PHC1: variants seen among roughly 807,000 people sequenced by gnomAD.
The protein encoded by PHC1 is polyhomeotic-like protein 1.
A neutral mutation model predicts 104.3 loss-of-function variants in PHC1; 12 were observed. The observed-to-expected ratio is 0.12, with a 90% CI of 0.07 to 0.19. PHC1 has a LOEUF of 0.19. Ranked by LOEUF, PHC1 falls within the 10% of genes least tolerant of loss-of-function variation. The pLI is 1.00. For missense variants in PHC1, 671 were observed against 1,200.0 expected (o/e 0.56, Z 6.51); for synonymous variants, 302 against 455.8 (o/e 0.66, Z 4.30).
At position 8,922,693 on chromosome 12, in the gene PHC1, T is replaced by A; in HGVS notation, c.517T>A (p.Ser173Thr). ...RTLGRNVPLASQLILMPNGAV... is the reference protein window; with the variant it reads ...RTLGRNVPLATQLILMPNGAV... ...CCTGGGTCGGAATGTGCCTCTAGCC[T>A]CCCAACTCATCCTGATGCCTAATGG... Residue 173 changes from serine to threonine, a missense_variant, in exon 6 of 15, where the codon TCC (serine) becomes ACC (threonine). Ser to Thr is a moderately conservative substitution (Grantham distance 58, BLOSUM62 1). Around this residue, in one of 9 missense-constraint regions of PHC1, gnomAD observed 237 missense variants for 331.1 expected, o/e 0.72. Coordinates refer to ENST00000544916, the MANE Select transcript of PHC1 (RefSeq NM_004426.3). 6.2e-7 allele frequency: 1 copy of A among 1,607,630 alleles called. No individual in the cohort carries two copies. Among genetic ancestry groups the A allele is most frequent in the Non-Finnish European group, 8.5e-7 (1 of 1,177,136 alleles).
Position 8,919,505 on chromosome 12 carries a change from A to G in PHC1, c.115-251A>G, listed in dbSNP as rs978244341. Among the ~76,000 whole-genome samples the G allele has an allele frequency of 6.6e-6, 1 of 152,126 alleles. No individual in the cohort carries two copies. Among genetic ancestry groups the G allele is most frequent in the African/African-American group, 2.4e-5 (1 of 41,422 alleles). ...TTGGGAGGTTGAGGCAGTCAGGAGGATTATTTGAGCCTAGGAGTTTGAGGT... is the reference window on the plus strand; with the variant it reads ...TTGGGAGGTTGAGGCAGTCAGGAGGGTTATTTGAGCCTAGGAGTTTGAGGT... On this transcript the variant is annotated intron_variant, in intron 2 of 14. Transcript: ENST00000544916. This position sits in a 1 kb window ranked among gnomAD's most constrained non-coding sequence, Gnocchi z 4.9.
intron 6 of PHC1, among the ~76,000 whole-genome samples, chr12:8,927,910 TTTC>T (rs796487416): frequency 0.066 from 6,415 of 96,940 alleles, 199 homozygotes; most frequent in Non-Finnish European, 0.077. Flanking sequence ...TCTTTCTTTC[TTTC>T]TTTTTTTTTT....
chr12:8,926,969 A>G (rs1011919285), intron 6 of PHC1, among the ~76,000 whole-genome samples: 1 of 152,146 alleles, frequency 6.6e-6, no homozygotes, highest in Middle Eastern at 3.2e-3. Context: ...AACGTTTAAT[A>G]TGGGGCCCTG....
chr12:8,918,153 C>G (rs1213679786), intron 2 of PHC1, among the ~76,000 whole-genome samples: 1 of 152,136 alleles, frequency 6.6e-6, no homozygotes, highest in Admixed American at 6.5e-5. Context: ...AAACAAACAG[C>G]AAATTCCATG....
At chr12:8,925,427 G>A (rs1195892420) in intron 6 of PHC1, among the ~76,000 whole-genome samples, 6 of 152,176 alleles carry the variant, frequency 3.9e-5, no homozygotes, top group Non-Finnish European at 8.8e-5. Context: ...TCACCTGAAT[G>A]GGGAAATAAT....
intron 6 of PHC1, 150 bp from the exon 7 acceptor site, chr12:8,930,285 A>C: frequency 1.7e-6 from 2 of 1,165,322 alleles, no homozygotes; most frequent in Non-Finnish European, 2.4e-6. Flanking sequence ...CTTAGGAGGT[A>C]GGAAGGCCTT....
intron 5 of PHC1, 90 bp from the exon 6 acceptor site, chr12:8,922,543 T>G: frequency 8.6e-7 from 1 of 1,165,094 alleles, no homozygotes; most frequent in Non-Finnish European, 1.2e-6. Context: ...TATCTTCTGT[T>G]TATTTTGTCT....
Position 8,932,571 on chromosome 12 carries a change from A to G in PHC1, c.1114A>G (p.Thr372Ala). 1 of 1,613,948 alleles carries G rather than the reference A, an allele frequency of 6.2e-7. No individual in the cohort carries two copies. Among genetic ancestry groups the G allele is most frequent in the Non-Finnish European group, 8.5e-7 (1 of 1,179,854 alleles). Residue 372 changes from threonine to alanine, a missense_variant, in exon 8 of 15, where the codon ACA becomes GCA. By Grantham distance (58) the Thr-to-Ala change is moderately conservative. Around this residue, in one of 9 missense-constraint regions of PHC1, gnomAD observed 78 missense variants for 140.8 expected, o/e 0.55. Transcript: ENST00000544916. ...TGGGATTGTTCCTATAGCCACCTAC[A>G]CACAGATCCAGCCCCATTCACTGAT... Reference protein sequence around the residue: ...SQTLISSATYTQIQPHSLIQQ... With the variant: ...SQTLISSATYAQIQPHSLIQQ...
At chr12:8,929,950 C>G (rs949745625) in intron 6 of PHC1, among the ~76,000 whole-genome samples, 1 of 152,182 alleles carries the variant, frequency 6.6e-6, no homozygotes, top group Non-Finnish European at 1.5e-5. Flanking sequence ...CCTTGATCTC[C>G]CTAGTCTTAG....
At position 8,917,668 on chromosome 12, in the gene PHC1, G is replaced by C; in HGVS notation, c.-10G>C. ...CAGAGCACCAGCCTTGGGGACCCTG[G>C]ACCACTATCATGGAGACTGAGAGCG... On this transcript the variant is annotated 5_prime_UTR_variant, in exon 2 of 15. Transcript: ENST00000544916. 1 of 1,444,478 alleles carries C rather than the reference G, an allele frequency of 6.9e-7. No individual in the cohort carries two copies. The highest frequency in any genetic ancestry group is 9.3e-7 in the Non-Finnish European group (1 of 1,072,304). The allele number at this position is 1,444,478 out of a possible 1,614,324, so 89.5% of individuals were successfully genotyped here.
chr12:8,938,227 T>C (rs780671961), intron 14 of PHC1, among the ~76,000 whole-genome samples, 167 bp downstream of exon 14: 6 of 152,376 alleles, frequency 3.9e-5, no homozygotes, highest in African/African-American at 1.4e-4. Context: ...TTTTCTGGGT[T>C]GACATTATCT....
chr12:8,927,909 CTTTCTTT>C (rs1945572736), intron 6 of PHC1, among the ~76,000 whole-genome samples: 1 of 69,038 alleles, frequency 1.4e-5, no homozygotes, highest in African/African-American at 7.4e-5. Flanking sequence ...TTCTTTCTTT[CTTTCTTT>C]TTTTTTTTTT....
intron 9 of PHC1, 86 bp downstream of exon 9, chr12:8,934,098 A>G: frequency 2.0e-6 from 3 of 1,485,988 alleles, no homozygotes; most frequent in Non-Finnish European, 1.9e-6. Flanking sequence ...CTGGTTGAGT[A>G]GAAAATGGGC....
Position 8,933,999 on chromosome 12 carries a change from G to A in PHC1, c.2028G>A (p.Lys676=). 2 of 1,614,168 alleles carry A rather than the reference G, an allele frequency of 1.2e-6. No individual in the cohort carries two copies. The highest frequency in any genetic ancestry group is 1.7e-6 in the Non-Finnish European group (2 of 1,179,994). The change falls in exon 9 of 15, where the codon AAG becomes AAA. Residue 676 remains lysine, a synonymous_variant. Coordinates refer to ENST00000544916, the MANE Select transcript of PHC1 (RefSeq NM_004426.3). The part of the protein sequence containing the change: ...VAESPKVMDE[K]SSLGEKAESV... ...AAAGCCCAAAAGTCATGGACGAGAA[G>A]AGCAGTCTTGGAGGTGAGTAACTGA... is the stretch of plus-strand genomic sequence containing the variant.
intron 6 of PHC1, among the ~76,000 whole-genome samples, chr12:8,923,387 C>A (rs1945419683): frequency 6.6e-6 from 1 of 152,148 alleles, no homozygotes; most frequent in African/African-American, 2.4e-5. Flanking sequence ...ATAATTATTT[C>A]ATCCTTTTAG....
Position 8,919,644 on chromosome 12 carries a change from C to A in PHC1, c.115-112C>A. 3.7e-6 allele frequency: 4 copies of A among 1,085,116 alleles called. No homozygotes were observed. The highest frequency in any genetic ancestry group is 3.1e-5 in the South Asian group (2 of 63,540). The allele number at this position is 1,085,116 out of a possible 1,614,324, so 67.2% of individuals were successfully genotyped here. A position where few individuals can be genotyped will look rare whatever the true frequency, so the allele number is the denominator to read the frequency against. On this transcript the variant is annotated intron_variant, in intron 2 of 14. Transcript: ENST00000544916. The surrounding 1 kb of genome is among the most constrained non-coding windows in gnomAD (Gnocchi z 4.9). ...TTGACGATTTAGCCCAAACTCCCAT[C>A]TCCTCTGGTTTCTGTCCTTCCCATG...
chr12:8,923,690 C>T (rs1259985125), intron 6 of PHC1, among the ~76,000 whole-genome samples: 2 of 151,848 alleles, frequency 1.3e-5, no homozygotes, highest in Non-Finnish European at 2.9e-5. Context: ...ATTAGCCAGG[C>T]GTGGTGGTGG....
chr12:8,937,926 G>A lies in PHC1; in HGVS notation c.2726G>A (p.Gly909Glu), dbSNP rs141256799. ...CCTTTATCAGTAAGAGCTGGGCATG[G>A]AGAACGTGACCTGGGGAATCCCAAT... ...PGPLSVRAGH[G>E]ERDLGNPNTA... Residue 909 changes from glycine to glutamate, a missense_variant, in exon 14 of 15, where the codon GGA (glycine) becomes GAA (glutamate). Coordinates refer to ENST00000544916, the MANE Select transcript of PHC1 (RefSeq NM_004426.3). 166 of 1,605,378 alleles carry A rather than the reference G, an allele frequency of 1.0e-4. No individual in the cohort carries two copies. The African/African-American group carries it at 2.0e-3, about 19-fold the overall frequency.
chr12:8,933,267 G>T lies in PHC1; in HGVS notation c.1810G>T (p.Val604Leu). 6.8e-7 allele frequency: 1 copy of T among 1,461,948 alleles called. No individual in the cohort carries two copies. The highest frequency in any genetic ancestry group is 1.4e-5 in the African/African-American group (1 of 69,962). The allele number at this position is 1,461,948 out of a possible 1,614,324, so 90.6% of individuals were successfully genotyped here. Residue 604 changes from valine (V) to leucine (L), a missense_variant, in exon 8 of 15, where the codon GTG (valine) becomes TTG (leucine). By Grantham distance (32) the Val-to-Leu change is conservative. Around this residue, in one of 9 missense-constraint regions of PHC1, gnomAD observed 95 missense variants for 108.8 expected, o/e 0.87. Transcript: ENST00000544916. ...TGCTCCTGTGCAGGGGACAGCACAT[G>T]TGGTAAAGGGTGGGGCTACCACCTC... ...TLAPVQGTAH[V>L]VKGGATTSSP...
Sources: allele counts gnomAD v4.1 joint callset (sites outside exome capture counted in the v4.1 genomes callset), GRCh38; gene constraint gnomAD v4.1.1; regional missense constraint gnomAD v4.1.1; non-coding constraint Gnocchi (gnomAD v3.1); transcripts MANE v1.5; gene names NCBI Gene and HGNC (gene_info 2026-07-23, HGNC 2026-07-21).